Variants in TTC28 observed in about 807,000 individuals in gnomAD.
TTC28 encodes the protein tetratricopeptide repeat protein 28.
A neutral mutation model predicts 198.0 loss-of-function variants in TTC28; 61 were observed. The ratio of observed to expected loss-of-function variants is 0.31; its 90% CI spans 0.25 to 0.38. The LOEUF (loss-of-function observed/expected upper bound fraction) is 0.38. Ranked by LOEUF, TTC28 falls within the 10% of genes least tolerant of loss-of-function variation. The probability of loss-of-function intolerance (pLI) is 1.00; values close to 1 mark genes in which losing one functional copy is unlikely to be tolerated. For synonymous variants in TTC28, 1,171 were observed against 1,297.8 expected (o/e 0.90, Z 2.10); for missense variants, 2,678 against 3,164.0 (o/e 0.85, Z 3.69).
At chr22:28,301,254 C>T (rs1286734832) in intron 3 of TTC28, among the ~76,000 whole-genome samples, 4 of 152,140 alleles carry the variant, frequency 2.6e-5, no homozygotes, top group African/African-American at 9.7e-5. Context: ...AGCAAAGGGA[C>T]TAATTTTGTG....
At position 28,553,771 on chromosome 22, in the gene TTC28, G is replaced by A. The variant is rs557950108; in HGVS notation, c.381+75781C>T. The stretch of plus-strand genomic sequence containing the variant: ...AGGTGAGGGGGTCAGCCCCCCGCCC[G>A]GCCAGCCACCCCGTCCGGGAGGTGA... On this transcript the variant is annotated intron_variant, in intron 2 of 22. Transcript: ENST00000397906. 1.8e-4 allele frequency among the ~76,000 whole-genome samples: 27 copies of A among 150,410 alleles called. No individual in the cohort carries two copies. In the East Asian group the frequency reaches 4.8e-3, roughly 27 times the overall value.
chr22:28,235,485 G>T (rs1487910741), intron 5 of TTC28, among the ~76,000 whole-genome samples: 3 of 152,128 alleles, frequency 2.0e-5, no homozygotes, highest in Non-Finnish European at 2.9e-5. Context: ...TAAGAATGGG[G>T]TTTAAATGCA....
At chr22:28,167,824 A>C (rs1254877723) in intron 5 of TTC28, among the ~76,000 whole-genome samples, 2 of 152,214 alleles carry the variant, frequency 1.3e-5, no homozygotes, top group Admixed American at 6.5e-5. Context: ...TGGCCAGGGC[A>C]ATCAGGCAGG....
intron 2 of TTC28, among the ~76,000 whole-genome samples, chr22:28,334,748 C>G (rs904732619): frequency 1.2e-4 from 19 of 152,148 alleles, no homozygotes; most frequent in Non-Finnish European, 5.9e-5. Context: ...CTGGATATTA[C>G]CCCTTTGTCA....
intron 2 of TTC28, among the ~76,000 whole-genome samples, chr22:28,459,083 T>C (rs1417009069): frequency 6.6e-6 from 1 of 151,844 alleles, no homozygotes; most frequent in Non-Finnish European, 1.5e-5. Context: ...GTGTTTGAGT[T>C]TGAGAGTTTT....
chr22:28,358,936 G>A (rs1400547900), intron 2 of TTC28, among the ~76,000 whole-genome samples: 4 of 152,000 alleles, frequency 2.6e-5, no homozygotes. Context: ...CACATCGCCT[G>A]TCTTCAGCTA....
chr22:28,264,549 G>A (rs1406928127), intron 5 of TTC28, among the ~76,000 whole-genome samples: 2 of 152,154 alleles, frequency 1.3e-5, no homozygotes, highest in Non-Finnish European at 2.9e-5. Context: ...AGGATATTTG[G>A]AAGAGAGAGA....
chr22:27,993,247 C>T, intron 18 of TTC28, 40 bp downstream of exon 18: 1 of 1,456,108 alleles, frequency 6.9e-7, no homozygotes. Context: ...CACCTGCTGT[C>T]AGCCAGGCCT....
intron 2 of TTC28, among the ~76,000 whole-genome samples, chr22:28,368,435 T>C (rs528843058): frequency 1.4e-4 from 21 of 152,156 alleles, no homozygotes; most frequent in African/African-American, 5.1e-4. Flanking sequence ...CCACAACTAG[T>C]ATCATAATGA....
intron 6 of TTC28, among the ~76,000 whole-genome samples, chr22:28,123,798 C>T (rs1244743403): frequency 2.6e-5 from 4 of 151,886 alleles, no homozygotes; most frequent in Non-Finnish European, 4.4e-5. Context: ...GCCTGGGCAA[C>T]ATGGTGAAAT....
intron 2 of TTC28, among the ~76,000 whole-genome samples, chr22:28,575,757 T>C (rs2050137166): frequency 6.6e-6 from 1 of 152,202 alleles, no homozygotes; most frequent in African/African-American, 2.4e-5. Flanking sequence ...AGGTATATTA[T>C]ATGTAGCTAT....
chr22:28,581,838 T>C (rs1173483967), intron 2 of TTC28, among the ~76,000 whole-genome samples: 1 of 152,212 alleles, frequency 6.6e-6, no homozygotes, highest in Non-Finnish European at 1.5e-5. Context: ...TACAAATAAA[T>C]CATATATCTG....
intron 2 of TTC28, among the ~76,000 whole-genome samples, chr22:28,585,336 G>T (rs1052377393): frequency 1.3e-5 from 2 of 152,162 alleles, no homozygotes; most frequent in African/African-American, 4.8e-5. Context: ...CCCATCTGGG[G>T]GTGATGGGAG....
chr22:28,126,102 A>T (rs1460237932), intron 6 of TTC28, among the ~76,000 whole-genome samples: 2 of 152,226 alleles, frequency 1.3e-5, no homozygotes, highest in Admixed American at 1.3e-4. Context: ...AGGATTGGAG[A>T]GGACTAAAAG....
intron 6 of TTC28, among the ~76,000 whole-genome samples, chr22:28,119,179 T>C (rs989468875): frequency 6.6e-6 from 1 of 152,322 alleles, no homozygotes; most frequent in East Asian, 1.9e-4. Context: ...CTTCATGTCA[T>C]GTGCTCTTAA....
At chr22:28,015,285 T>C (rs1938321937) in intron 13 of TTC28, among the ~76,000 whole-genome samples, 1 of 151,996 alleles carries the variant, frequency 6.6e-6, no homozygotes, top group Non-Finnish European at 1.5e-5. Flanking sequence ...GTGCATCCTC[T>C]CAGCACCTGC....
intron 2 of TTC28, among the ~76,000 whole-genome samples, chr22:28,452,681 AG>A (rs568605025): frequency 6.6e-6 from 1 of 152,168 alleles, no homozygotes; most frequent in African/African-American, 2.4e-5. Context: ...GGAATGGGAC[AG>A]GGGCGGTTAG....
intron 5 of TTC28, among the ~76,000 whole-genome samples, chr22:28,212,506 G>C (rs534749858): frequency 7.5e-6 from 1 of 133,398 alleles, no homozygotes; most frequent in Non-Finnish European, 1.7e-5. Context: ...CACCTCTACG[G>C]AAATAAACTA....
At chr22:28,289,156 G>T (rs915836828) in intron 5 of TTC28, among the ~76,000 whole-genome samples, 2 of 152,154 alleles carry the variant, frequency 1.3e-5, no homozygotes, top group Non-Finnish European at 2.9e-5. Context: ...TGAGAGTGAG[G>T]GGAGGAGGTG....
Sources: allele counts gnomAD v4.1 joint callset (sites outside exome capture counted in the v4.1 genomes callset), GRCh38; gene constraint gnomAD v4.1.1; transcripts MANE v1.5; gene names NCBI Gene and HGNC (gene_info 2026-07-23, HGNC 2026-07-21).